Variants in GRM1 observed in about 807,000 individuals in gnomAD.
GRM1 encodes the protein metabotropic glutamate receptor 1.
Under a neutral mutation model 90.9 loss-of-function variants are expected in GRM1, and 33 were observed. The observed-to-expected ratio is 0.36, with a 90% CI of 0.28 to 0.49. The LOEUF (loss-of-function observed/expected upper bound fraction) is 0.49, where lower values mean the gene tolerates loss of function less well. GRM1 is among the 20% of genes least tolerant of loss of function. The pLI is 0.99. For synonymous variants in GRM1, 700 were observed against 613.2 expected (o/e 1.14, Z -2.09); for missense variants, 1,190 against 1,534.3 (o/e 0.78, Z 3.75).
At chr6:146,170,511 A>T (rs1778077428) in intron 2 of GRM1, among the ~76,000 whole-genome samples, 1 of 151,898 alleles carries the variant, frequency 6.6e-6, no homozygotes, top group African/African-American at 2.4e-5. Flanking sequence ...ATCGTTATTG[A>T]TTCACTCAAT....
At chr6:146,063,347 G>A (rs1562439037) in intron 1 of GRM1, among the ~76,000 whole-genome samples, 1 of 152,152 alleles carries the variant, frequency 6.6e-6, no homozygotes, top group African/African-American at 2.4e-5. Flanking sequence ...CATCAATTTG[G>A]TAGTTTGTAG....
chr6:146,247,183 A>G (rs191343097), intron 2 of GRM1, among the ~76,000 whole-genome samples: 2 of 152,294 alleles, frequency 1.3e-5, no homozygotes, highest in African/African-American at 2.4e-5. Flanking sequence ...GGTAGGGTCA[A>G]TCTGCTGCTG....
intron 1 of GRM1, among the ~76,000 whole-genome samples, chr6:146,112,512 T>C (rs962223611): frequency 6.6e-6 from 1 of 152,178 alleles, no homozygotes; most frequent in African/African-American, 2.4e-5. Context: ...CTTTATAGCA[T>C]GTATTCTTTT....
chr6:146,262,330 A>G (rs1781725582), intron 2 of GRM1, among the ~76,000 whole-genome samples: 1 of 152,076 alleles, frequency 6.6e-6, no homozygotes, highest in African/African-American at 2.4e-5. Flanking sequence ...CCATCTGACT[A>G]GATTTTAGGA....
chr6:146,160,925 C>A (rs904074768), intron 2 of GRM1, among the ~76,000 whole-genome samples: 4 of 152,080 alleles, frequency 2.6e-5, no homozygotes, highest in Admixed American at 6.5e-5. Context: ...GTCAACTTGG[C>A]GTCTTCAACA....
At chr6:146,407,796 T>A (rs568877248) in intron 7 of GRM1, among the ~76,000 whole-genome samples, 1 of 152,316 alleles carries the variant, frequency 6.6e-6, no homozygotes, top group South Asian at 2.1e-4. Context: ...ACCTCAATAA[T>A]GTATTTATTA....
intron 1 of GRM1, among the ~76,000 whole-genome samples, chr6:146,126,448 C>A (rs548164549): frequency 6.6e-6 from 1 of 152,108 alleles, no homozygotes; most frequent in East Asian, 1.9e-4. Flanking sequence ...GTGTATATAG[C>A]CAAGCCTTTA....
intron 1 of GRM1, among the ~76,000 whole-genome samples, chr6:146,123,120 C>G (rs969024720): frequency 6.6e-6 from 1 of 151,924 alleles, no homozygotes; most frequent in Admixed American, 6.6e-5. Context: ...TGGGATTACA[C>G]GTGTGAGCCA....
chr6:146,399,624 A>G lies in GRM1; in HGVS notation c.2585A>G (p.Asp862Gly). The change falls in exon 7 of 8, where the codon GAT becomes GGT. Residue 862 changes from aspartate to glycine, a missense_variant. Physicochemically the swap from Asp to Gly is moderately conservative, Grantham distance 94. Around this residue, in one of 10 missense-constraint regions of GRM1, gnomAD observed 73 missense variants for 150.6 expected, o/e 0.48. Transcript: ENST00000282753. This position sits in a 1 kb window ranked among gnomAD's most constrained non-coding sequence, Gnocchi z 5.4. ...TSDVVRMHVG[D>G]GKLPCRSNTF... The stretch of plus-strand genomic sequence containing the variant: ...GATGTTGTCCGCATGCATGTTGGCG[A>G]TGGCAAGCTGCCCTGCCGCTCCAAC... The G allele has an allele frequency of 6.2e-7, 1 of 1,613,936 alleles. No individual in the cohort carries two copies. The highest frequency in any genetic ancestry group is 8.5e-7 in the Non-Finnish European group (1 of 1,179,962).
intron 2 of GRM1, among the ~76,000 whole-genome samples, chr6:146,288,147 C>G (rs753776600): frequency 1.3e-5 from 2 of 152,016 alleles, no homozygotes; most frequent in Non-Finnish European, 2.9e-5. Context: ...TTGAGCAGAC[C>G]GTTAGTGAAA....
intron 3 of GRM1, among the ~76,000 whole-genome samples, chr6:146,345,887 T>A (rs1313267557): frequency 6.6e-6 from 1 of 152,212 alleles, no homozygotes; most frequent in Non-Finnish European, 1.5e-5. Flanking sequence ...TCTCTGTGAT[T>A]ACCTGCCAAA....
chr6:146,231,755 A>G (rs1222194986), intron 2 of GRM1, among the ~76,000 whole-genome samples: 2 of 152,064 alleles, frequency 1.3e-5, no homozygotes, highest in East Asian at 3.9e-4. Context: ...TAATTATTTC[A>G]TTATACCTTA....
intron 2 of GRM1, among the ~76,000 whole-genome samples, chr6:146,285,315 C>T (rs1055211927): frequency 3.3e-5 from 5 of 152,142 alleles, no homozygotes; most frequent in African/African-American, 7.2e-5. Context: ...CACCCTTTCC[C>T]GTTAATTTTT....
intron 1 of GRM1, among the ~76,000 whole-genome samples, chr6:146,034,487 G>T (rs1045762764): frequency 2.0e-5 from 3 of 151,748 alleles, no homozygotes; most frequent in African/African-American, 7.3e-5. Context: ...TATTAATTTT[G>T]TTACTGTTAC....
rs1784226357 is a variant in GRM1 at position 146,322,409 on chromosome 6, G to C, written c.1186+17563G>C. Among the ~76,000 whole-genome samples the C allele has an allele frequency of 3.3e-5, 5 of 152,230 alleles. 1 individual carries two copies. In the South Asian group the frequency reaches 1.0e-3, roughly 32 times the overall value. ...TGAGGAGGCAGTCTGTCCCTTAGCA[G>C]AGCTCCAGTGCTGTGCTGGGAGACC... On this transcript the variant is annotated intron_variant, in intron 3 of 7. Transcript: ENST00000282753.
rs1783510939 is a variant in GRM1 at position 146,304,588 on chromosome 6, A to C, written c.951-23A>C. 5 of 1,473,536 alleles carry C rather than the reference A, an allele frequency of 3.4e-6. No homozygotes were observed. In the East Asian group the frequency reaches 1.1e-4, roughly 33 times the overall value. The allele number at this position is 1,473,536 out of a possible 1,614,324, so 91.3% of individuals were successfully genotyped here. On this transcript the variant is annotated intron_variant, in intron 2 of 7. Transcript: ENST00000282753. ...GAGATGTTTGTCTTTCTCTCTCCCT[A>C]CCCCAATCCCTGCATTTTTTAGTGA...
At chr6:146,196,147 C>T (rs535253596) in intron 2 of GRM1, among the ~76,000 whole-genome samples, 2 of 152,184 alleles carry the variant, frequency 1.3e-5, no homozygotes, top group South Asian at 2.1e-4. Flanking sequence ...TCATGAGGAA[C>T]GTGATTTTTA....
chr6:146,253,108 T>G (rs559525168), intron 2 of GRM1, among the ~76,000 whole-genome samples: 1 of 152,238 alleles, frequency 6.6e-6, no homozygotes, highest in African/African-American at 2.4e-5. Flanking sequence ...ATATTAGAAT[T>G]TATTATTTAA....
chr6:146,197,907 T>C (rs1779174865), intron 2 of GRM1, among the ~76,000 whole-genome samples: 1 of 152,270 alleles, frequency 6.6e-6, no homozygotes, highest in African/African-American at 2.4e-5. Flanking sequence ...TCTAGAGATC[T>C]GCTGTAAAAT....
Sources: gnomAD v4.1 joint callset for allele counts (sites outside exome capture counted in the v4.1 genomes callset) on GRCh38, gnomAD v4.1.1 for gene constraint, gnomAD v4.1.1 regional missense constraint, Gnocchi (gnomAD v3.1) non-coding constraint, MANE v1.5 for transcripts, NCBI Gene and HGNC (gene_info 2026-07-23, HGNC 2026-07-21) for gene names.